PEBP4: variants seen among roughly 807,000 people sequenced by gnomAD.
PEBP4 encodes phosphatidylethanolamine-binding protein 4.
PEBP4 carries 22 observed loss-of-function variants against 23.9 expected under a neutral mutation model. The observed-to-expected ratio is 0.92, with a 90% CI of 0.66 to 1.31. The LOEUF (loss-of-function observed/expected upper bound fraction) is 1.31. Ranked by LOEUF, PEBP4 falls within the 40% of genes most tolerant of loss-of-function variation. The probability of loss-of-function intolerance (pLI) is 0.00; values close to 1 mark genes in which losing one functional copy is unlikely to be tolerated. For missense variants in PEBP4, 324 were observed against 281.7 expected (o/e 1.15, Z -1.07); for synonymous variants, 112 against 99.3 (o/e 1.13, Z -0.76).
intron 3 of PEBP4, among the ~76,000 whole-genome samples, chr8:22,882,901 C>T (rs1381293040): frequency 6.6e-6 from 1 of 152,158 alleles, no homozygotes; most frequent in Non-Finnish European, 1.5e-5. Flanking sequence ...TACTAACCAA[C>T]CCAACCCTGC....
chr8:22,913,137 C>T (rs1166399588), intron 3 of PEBP4, among the ~76,000 whole-genome samples: 1 of 152,206 alleles, frequency 6.6e-6, no homozygotes, highest in Non-Finnish European at 1.5e-5. Context: ...AGGTGCTCGG[C>T]ACCAAATACA....
At chr8:22,849,885 G>A (rs936626627) in intron 3 of PEBP4, among the ~76,000 whole-genome samples, 7 of 152,318 alleles carry the variant, frequency 4.6e-5, no homozygotes, top group Non-Finnish European at 1.0e-4. Context: ...GTTTGTGAGT[G>A]GGGTTGGGAG....
In PEBP4 at chr8:22,744,695, C is replaced by T. The variant is rs1303281779; in HGVS notation, c.358-17475G>A. 6 of 152,326 alleles carry T rather than the reference C, an allele frequency of 3.9e-5. No individual in the cohort carries two copies. In the South Asian group the frequency reaches 1.2e-3, roughly 31 times the overall value. The allele number at this position is 152,326 out of a possible 1,614,324, so 9.4% of individuals were successfully genotyped here. On this transcript the variant is annotated intron_variant, in intron 4 of 6. Coordinates refer to ENST00000256404, the MANE Select transcript of PEBP4 (RefSeq NM_144962.3). ...AAGAAGAGGAACATTTAGAGAGGCA[C>T]AGCTCCTACATCCTTGGATGGGGAG... is the stretch of plus-strand genomic sequence containing the variant.
chr8:22,925,261 A>G, intron 2 of PEBP4: 1 of 985,392 alleles, frequency 1.0e-6, no homozygotes, highest in Non-Finnish European at 1.2e-6. Context: ...TCTCTTTCTC[A>G]GACTGGGGGC....
chr8:22,810,877 TGAGA>T (rs33995327), intron 4 of PEBP4, among the ~76,000 whole-genome samples: 1,537 of 137,054 alleles, frequency 0.011, 14 homozygotes, highest in Admixed American at 0.025. Flanking sequence ...CTCAGAGTGC[TGAGA>T]GAGAGAGAGA....
At chr8:22,727,329 G>A (rs1376720913) in intron 4 of PEBP4, 109 bp from the exon 5 acceptor site, 3 of 1,059,460 alleles carry the variant, frequency 2.8e-6, no homozygotes, top group Non-Finnish European at 4.3e-6. Flanking sequence ...GGGAGAGGAA[G>A]GAGGATGGGA....
At chr8:22,733,245 C>T (rs866675067) in intron 4 of PEBP4, among the ~76,000 whole-genome samples, 13 of 152,198 alleles carry the variant, frequency 8.5e-5, no homozygotes, top group East Asian at 1.9e-4. Context: ...ATGAGACGCT[C>T]GGCACACAGT....
chr8:22,876,283 C>T (rs764928581), intron 3 of PEBP4, among the ~76,000 whole-genome samples: 12 of 152,194 alleles, frequency 7.9e-5, no homozygotes, highest in African/African-American at 1.2e-4. Context: ...ATGCGTACAA[C>T]GGTGGCGTGT....
At chr8:22,926,170 G>A (rs369051366) in intron 2 of PEBP4, among the ~76,000 whole-genome samples, 5 of 151,954 alleles carry the variant, frequency 3.3e-5, no homozygotes, top group African/African-American at 1.2e-4. Context: ...TAGAGACAGG[G>A]TTTCACCGTG....
At chr8:22,892,877 G>A (rs1017910144) in intron 3 of PEBP4, among the ~76,000 whole-genome samples, 1 of 152,158 alleles carries the variant, frequency 6.6e-6, no homozygotes, top group Non-Finnish European at 1.5e-5. Flanking sequence ...TTTCTAGGCA[G>A]CAGTACAGAA....
intron 4 of PEBP4, among the ~76,000 whole-genome samples, chr8:22,730,983 C>A (rs1804718666): frequency 6.6e-6 from 1 of 152,190 alleles, no homozygotes; most frequent in Admixed American, 6.5e-5. Context: ...GCTGCCTCCC[C>A]CAGCCCAGAC....
At chr8:22,836,043 G>A (rs1227197684) in intron 3 of PEBP4, among the ~76,000 whole-genome samples, 4 of 152,172 alleles carry the variant, frequency 2.6e-5, no homozygotes, top group African/African-American at 9.7e-5. Flanking sequence ...GGAAAAATGG[G>A]GGCTCAGGGT....
In PEBP4 at chr8:22,890,990, G is replaced by A. The variant is rs189164772; in HGVS notation, c.258+29194C>T. 1.2e-4 allele frequency among the ~76,000 whole-genome samples: 18 copies of A among 152,232 alleles called. No individual in the cohort carries two copies. The East Asian group carries it at 3.3e-3, about 28-fold the overall frequency. ...ATTACAGGTGTGCACCACCACATCC[G>A]ACTAATTGTTTGTATCTTTAGTAGA... On this transcript the variant is annotated intron_variant, in intron 3 of 6. Transcript: ENST00000256404.
chr8:22,735,599 A>C (rs1391945756), intron 4 of PEBP4, among the ~76,000 whole-genome samples: 1 of 152,206 alleles, frequency 6.6e-6, no homozygotes, highest in Admixed American at 6.5e-5. Context: ...TCAGCAACCT[A>C]AACCCTGGGT....
intron 6 of PEBP4, among the ~76,000 whole-genome samples, chr8:22,716,090 C>A (rs549092930): frequency 6.6e-6 from 1 of 152,238 alleles, no homozygotes; most frequent in South Asian, 2.1e-4. Flanking sequence ...ACTTCAGAGG[C>A]CTTGGTGGTG....
chr8:22,852,468 G>A (rs1212897897), intron 3 of PEBP4, among the ~76,000 whole-genome samples: 1 of 152,108 alleles, frequency 6.6e-6, no homozygotes, highest in Non-Finnish European at 1.5e-5. Context: ...GTAAAAAGGA[G>A]CAAGCCTGGG....
At chr8:22,819,496 T>G (rs531680589) in intron 3 of PEBP4, among the ~76,000 whole-genome samples, 2 of 152,238 alleles carry the variant, frequency 1.3e-5, no homozygotes, top group East Asian at 3.9e-4. Flanking sequence ...CTGTTAGAGA[T>G]AGCTATTAAA....
At position 22,791,955 on chromosome 8, in the gene PEBP4, CAA is replaced by C. The variant is rs566899721; in HGVS notation, c.357+25680_357+25681del. Among the ~76,000 whole-genome samples the C allele has an allele frequency of 7.3e-3, 1,104 of 151,998 alleles. 7 individuals carry two copies. The highest frequency in any genetic ancestry group is 0.012 in the Non-Finnish European group (820 of 67,930). Reference sequence around the variant, plus strand: ...CACTGCAGCCTTGAACTCCTAGACTCAAGTGATCCTCCTGCCTCAGCCTCTAG... The same window carrying C: ...CACTGCAGCCTTGAACTCCTAGACTCGTGATCCTCCTGCCTCAGCCTCTAG... On this transcript the variant is annotated intron_variant, in intron 4 of 6. Transcript: ENST00000256404.
chr8:22,796,549 C>T (rs1194684941), intron 4 of PEBP4, among the ~76,000 whole-genome samples: 1 of 152,178 alleles, frequency 6.6e-6, no homozygotes, highest in East Asian at 1.9e-4. Flanking sequence ...ATATGCCAGG[C>T]TCAAAAGCCC....
Sources: allele counts gnomAD v4.1 joint callset (sites outside exome capture counted in the v4.1 genomes callset), GRCh38; gene constraint gnomAD v4.1.1; transcripts MANE v1.5; gene names NCBI Gene and HGNC (gene_info 2026-07-23, HGNC 2026-07-21).